The following CSMD3 variants were observed in gnomAD, a reference collection of about 807,000 sequenced individuals.
The protein encoded by CSMD3 is CUB and Sushi multiple domains 3, also known as CUB and sushi domain-containing protein 3.
CSMD3 carries 177 observed loss-of-function variants against 435.2 expected under a neutral mutation model. That is an observed-to-expected ratio of 0.41 (90% CI 0.36 to 0.46). The LOEUF is 0.46. CSMD3 is among the 20% of genes least tolerant of loss of function. The pLI is 0.34. For missense variants in CSMD3, 4,265 were observed against 4,504.6 expected, an observed-to-expected ratio of 0.95 and a Z score of 1.52; for synonymous variants, 1,656 against 1,520.5, an observed-to-expected ratio of 1.09 and a Z score of -2.07.
chr8:112,980,904 A>G (rs1349616157), intron 6 of CSMD3, among the ~76,000 whole-genome samples: 1 of 151,536 alleles, frequency 6.6e-6, no homozygotes, highest in East Asian at 1.9e-4. Context: ...TGAATATGCA[A>G]TTTAGAAAAG....
intron 9 of CSMD3, among the ~76,000 whole-genome samples, chr8:112,943,901 G>A (rs1409365637): frequency 6.6e-6 from 1 of 151,526 alleles, no homozygotes; most frequent in African/African-American, 2.4e-5. Flanking sequence ...TAATCTGTAT[G>A]CCTGAAAGAA....
chr8:113,418,543 A>G (rs1196665425), intron 1 of CSMD3, among the ~76,000 whole-genome samples: 1 of 152,204 alleles, frequency 6.6e-6, no homozygotes, highest in Non-Finnish European at 1.5e-5. Flanking sequence ...TAGCATAAAT[A>G]GAATAAGAAA....
At chr8:112,494,265 T>TTTCC (rs992129929) in intron 30 of CSMD3, among the ~76,000 whole-genome samples, 1 of 151,636 alleles carries the variant, frequency 6.6e-6, no homozygotes, top group Non-Finnish European at 1.5e-5. Flanking sequence ...GCCTCCCTTC[T>TTTCC]TTCCTTCCTT....
intron 1 of CSMD3, among the ~76,000 whole-genome samples, chr8:113,342,358 G>T (rs1395395160): frequency 6.6e-6 from 1 of 152,148 alleles, no homozygotes; most frequent in South Asian, 2.1e-4. Context: ...GTAAATAGAC[G>T]TTATAGCTGA....
chr8:113,021,232 A>C (rs2086673552), intron 5 of CSMD3, among the ~76,000 whole-genome samples: 1 of 152,166 alleles, frequency 6.6e-6, no homozygotes, highest in Non-Finnish European at 1.5e-5. Context: ...ATATAATATA[A>C]TTGTATAATT....
intron 38 of CSMD3, among the ~76,000 whole-genome samples, chr8:112,364,694 C>T (rs1827593570): frequency 6.6e-6 from 1 of 151,956 alleles, no homozygotes; most frequent in Non-Finnish European, 1.5e-5. Context: ...CTGGAAAGTA[C>T]AAGTTCTCTT....
chr8:113,096,364 C>G (rs2090162684), intron 5 of CSMD3, among the ~76,000 whole-genome samples: 1 of 152,112 alleles, frequency 6.6e-6, no homozygotes, highest in Non-Finnish European at 1.5e-5. Flanking sequence ...TTCTTTAGAG[C>G]TATTCTTTTC....
intron 13 of CSMD3, among the ~76,000 whole-genome samples, chr8:112,788,642 T>G (rs548874877): frequency 1.3e-5 from 2 of 152,250 alleles, no homozygotes; most frequent in Admixed American, 1.3e-4. Context: ...TCTTTTATAT[T>G]TTACAATGTA....
chr8:112,880,471 G>A (rs2081415455), intron 10 of CSMD3, among the ~76,000 whole-genome samples: 1 of 151,992 alleles, frequency 6.6e-6, no homozygotes, highest in South Asian at 2.1e-4. Context: ...TTTAGAGAAG[G>A]CATCCTGGTG....
At chr8:112,637,455 A>G (rs984527238) in intron 21 of CSMD3, among the ~76,000 whole-genome samples, 6 of 152,146 alleles carry the variant, frequency 3.9e-5, no homozygotes, top group South Asian at 2.1e-4. Flanking sequence ...CTTCTTGTAT[A>G]CAAGTTCAAT....
intron 31 of CSMD3, among the ~76,000 whole-genome samples, chr8:112,479,108 C>T (rs904901453): frequency 2.0e-5 from 3 of 152,174 alleles, no homozygotes; most frequent in African/African-American, 4.8e-5. Context: ...CTACCAACTG[C>T]GAGTACAAAC....
intron 3 of CSMD3, among the ~76,000 whole-genome samples, chr8:113,277,474 A>G (rs890139104): frequency 2.0e-5 from 3 of 151,990 alleles, no homozygotes; most frequent in Admixed American, 1.3e-4. Context: ...TTTTCTAGTG[A>G]AAAATACTGT....
At chr8:113,066,513 G>T (rs551880482) in intron 5 of CSMD3, among the ~76,000 whole-genome samples, 1 of 152,208 alleles carries the variant, frequency 6.6e-6, no homozygotes, top group South Asian at 2.1e-4. Flanking sequence ...TAGCATAAGA[G>T]AATTCTTTTC....
chr8:113,181,190 T>C (rs2131930034), intron 3 of CSMD3, among the ~76,000 whole-genome samples: 1 of 152,036 alleles, frequency 6.6e-6, no homozygotes, highest in African/African-American at 2.4e-5. Flanking sequence ...TGAACACTGA[T>C]TAAAATGTAT....
intron 30 of CSMD3, among the ~76,000 whole-genome samples, chr8:112,503,244 AC>A (rs1291616466): frequency 2.0e-5 from 3 of 151,882 alleles, no homozygotes; most frequent in Non-Finnish European, 4.4e-5. Context: ...ACCCCTCTTG[AC>A]TAATTAAAAC....
At chr8:112,598,965 A>C (rs1334891546) in intron 22 of CSMD3, among the ~76,000 whole-genome samples, 17 of 151,240 alleles carry the variant, frequency 1.1e-4, no homozygotes, top group African/African-American at 4.1e-4. Flanking sequence ...ATGGGCAAGG[A>C]CTTCATGTCC....
intron 27 of CSMD3, among the ~76,000 whole-genome samples, chr8:112,525,821 T>TA (rs200958191): frequency 0.26 from 34,269 of 132,336 alleles, 4,543 homozygotes; most frequent in East Asian, 0.34. Flanking sequence ...CACACACATA[T>TA]AAAAAATATA....
chr8:112,875,097 T>G (rs2081243731), intron 10 of CSMD3, among the ~76,000 whole-genome samples: 1 of 152,186 alleles, frequency 6.6e-6, no homozygotes, highest in African/African-American at 2.4e-5. Context: ...TCAGGAGCTC[T>G]TGTAAATCAG....
At chr8:113,322,955 A>C (rs923415337) in intron 1 of CSMD3, among the ~76,000 whole-genome samples, 2 of 152,124 alleles carry the variant, frequency 1.3e-5, no homozygotes, top group African/African-American at 4.8e-5. Context: ...TATGCTGGCC[A>C]GGCTGGTCTC....
Sources: allele counts gnomAD v4.1 joint callset (sites outside exome capture counted in the v4.1 genomes callset), GRCh38; gene constraint gnomAD v4.1.1; transcripts MANE v1.5; gene names NCBI Gene and HGNC (gene_info 2026-07-23, HGNC 2026-07-21).